Variants in BPIFC observed in about 807,000 individuals in gnomAD.
BPIFC encodes BPI fold-containing family C protein.
BPIFC carries 60 observed loss-of-function variants against 57.6 expected under a neutral mutation model. The ratio of observed to expected loss-of-function variants is 1.04; its 90% CI spans 0.85 to 1.29. BPIFC has a LOEUF of 1.29. Among genes scored for constraint, BPIFC ranks in the 50% most tolerant of loss-of-function variants. The probability of loss-of-function intolerance (pLI) is 0.00; values close to 1 mark genes in which losing one functional copy is unlikely to be tolerated. For synonymous variants in BPIFC, 243 were observed against 224.5 expected (o/e 1.08, Z -0.74); for missense variants, 581 against 600.5 (o/e 0.97, Z 0.34).
chr22:32,459,331 C>T (rs1458349546), intron 2 of BPIFC, among the ~76,000 whole-genome samples: 2 of 151,950 alleles, frequency 1.3e-5, no homozygotes, highest in Non-Finnish European at 2.9e-5. Context: ...GAGTTTGAGA[C>T]CAGCCTGTGG....
chr22:32,419,175 T>A (rs1432796713), intron 14 of BPIFC, among the ~76,000 whole-genome samples, 187 bp downstream of exon 14: 2 of 152,016 alleles, frequency 1.3e-5, no homozygotes, highest in Non-Finnish European at 2.9e-5. Context: ...AACTGTAGAG[T>A]TCCTCTCGTG....
intron 11 of BPIFC, 48 bp downstream of exon 11, chr22:32,433,671 T>A: frequency 6.5e-7 from 1 of 1,547,186 alleles, no homozygotes; most frequent in Non-Finnish European, 8.9e-7. Flanking sequence ...CAGAAGTAAT[T>A]GCAATGGAGC....
intron 11 of BPIFC, 84 bp from the exon 12 acceptor site, chr22:32,432,627 A>C: frequency 7.8e-7 from 1 of 1,289,198 alleles, no homozygotes; most frequent in South Asian, 1.3e-5. Context: ...GCCTGTGGTG[A>C]CTAAATCTTA....
At chr22:32,457,875 A>G (rs1463358988) in intron 2 of BPIFC, among the ~76,000 whole-genome samples, 2 of 152,112 alleles carry the variant, frequency 1.3e-5, no homozygotes, top group Non-Finnish European at 2.9e-5. Context: ...AGAACATCTG[A>G]TACACGATGT....
At chr22:32,424,742 TCTTCTTCTTCC>T (rs1240037651) in intron 13 of BPIFC, among the ~76,000 whole-genome samples, 154 of 63,748 alleles carry the variant, frequency 2.4e-3, no homozygotes, top group Non-Finnish European at 2.9e-3. Flanking sequence ...TTCTTCTTCC[TCTTCTTCTTCC>T]TCTTCTTCTT....
intron 5 of BPIFC, 51 bp from the exon 6 acceptor site, chr22:32,446,047 G>GATC (rs1379057329): frequency 2.5e-6 from 4 of 1,591,954 alleles, no homozygotes; most frequent in Non-Finnish European, 2.6e-6. Flanking sequence ...CACAGAGATG[G>GATC]ATCTTGTTTC....
rs960979201 is a variant in BPIFC at position 32,415,822 on chromosome 22, A to AAAC, written c.1401+90_1401+92dup. ...GGAAAAAGCAAAGCAGGACAAAAAC[A>AAAC]AACAACAACAACAAAAACAAGCAAA... On this transcript the variant is annotated intron_variant, in intron 16 of 16. Coordinates refer to ENST00000300399, the MANE Select transcript of BPIFC (RefSeq NM_174932.3). The AAAC allele has an allele frequency of 2.9e-5, 25 of 876,336 alleles. No individual in the cohort carries two copies. In the African/African-American group the frequency reaches 4.2e-4, roughly 15 times the overall value. 54.3% of individuals were successfully genotyped at this position (876,336 alleles called of 1,614,324 possible).
At chr22:32,423,576 G>GT (rs1491393994) in intron 13 of BPIFC, among the ~76,000 whole-genome samples, 6,995 of 133,600 alleles carry the variant, frequency 0.052, 374 homozygotes, top group African/African-American at 0.15. Flanking sequence ...TGTAGGGTGT[G>GT]GGTGTGTGTG....
intron 7 of BPIFC, among the ~76,000 whole-genome samples, chr22:32,445,186 C>A (rs1045780603): frequency 6.6e-6 from 1 of 152,128 alleles, no homozygotes; most frequent in African/African-American, 2.4e-5. Context: ...TGTGAAAGTG[C>A]CTTGGATAGT....
At chr22:32,432,333 T>C (rs1382092264) in intron 12 of BPIFC, 40 bp downstream of exon 12, 6 of 1,604,578 alleles carry the variant, frequency 3.7e-6, no homozygotes, top group African/African-American at 2.7e-5. Flanking sequence ...AGGAGCAGGA[T>C]TGGCATCTAC....
chr22:32,463,603 G>T (rs928910055), intron 1 of BPIFC, among the ~76,000 whole-genome samples: 3 of 152,178 alleles, frequency 2.0e-5, no homozygotes, highest in Non-Finnish European at 4.4e-5. Flanking sequence ...AGTAATGAAT[G>T]AGTAAAATGT....
intron 7 of BPIFC, among the ~76,000 whole-genome samples, 200 bp downstream of exon 7, chr22:32,445,435 G>A (rs1169235863): frequency 2.0e-5 from 3 of 152,084 alleles, no homozygotes; most frequent in Non-Finnish European, 2.9e-5. Flanking sequence ...TACTTGGGAG[G>A]CTGAGGCAGG....
At chr22:32,455,831 T>C in intron 3 of BPIFC, among the ~76,000 whole-genome samples, 1 of 152,212 alleles carries the variant, frequency 6.6e-6, no homozygotes, top group East Asian at 1.9e-4. Flanking sequence ...AGAAAGCACA[T>C]TCAAAGAGGC....
At position 32,414,380 on chromosome 22, in the gene BPIFC, T is replaced by C. The variant is rs1187921632; in HGVS notation, c.1447A>G (p.Lys483Glu). The C allele has an allele frequency of 4.3e-6, 7 of 1,613,972 alleles. No individual in the cohort carries two copies. Among genetic ancestry groups the C allele is most frequent in the African/African-American group, 2.7e-5 (2 of 74,924 alleles). The change falls in exon 17 of 17, where the codon AAG becomes GAG. Residue 483 changes from lysine (K) to glutamate (E), a missense_variant. Physicochemically the swap from Lys to Glu is moderately conservative, Grantham distance 56. Transcript: ENST00000300399. ...CATACGTGGAAACTTGGCTGCTGCT[T>C]TGAGGATGTTTCATACTTCAGGTCG... is the stretch of plus-strand genomic sequence containing the variant. ...STDLKYETSS[K>E]QQPSFHVWEG...
At chr22:32,449,255 C>G (rs1934819480) in intron 4 of BPIFC, among the ~76,000 whole-genome samples, 1 of 152,068 alleles carries the variant, frequency 6.6e-6, no homozygotes, top group Non-Finnish European at 1.5e-5. Context: ...AAAACTTGGG[C>G]AAGGCGCTTA....
rs1180866777 is a variant in BPIFC at position 32,448,282 on chromosome 22, AT to A, written c.246-943del. 1.1e-4 allele frequency among the ~76,000 whole-genome samples: 17 copies of A among 152,016 alleles called. No individual in the cohort carries two copies. The East Asian group carries it at 2.6e-3, about 23-fold the overall frequency. On this transcript the variant is annotated intron_variant, in intron 4 of 16. Coordinates refer to ENST00000300399, the MANE Select transcript of BPIFC (RefSeq NM_174932.3). ...ACGGGCTTTCACCATGTTAGCCAGG[AT>A]GGTCTTGATCTCCTGACCTGACCTC...
intron 9 of BPIFC, among the ~76,000 whole-genome samples, chr22:32,436,324 A>T (rs1246583724): frequency 6.9e-6 from 1 of 145,282 alleles, no homozygotes; most frequent in Non-Finnish European, 1.5e-5. Context: ...AAGAGGAAGA[A>T]GAAGAAGAAG....
chr22:32,441,493 C>T (rs542948736), intron 8 of BPIFC, among the ~76,000 whole-genome samples: 23 of 152,244 alleles, frequency 1.5e-4, no homozygotes, highest in Admixed American at 7.2e-4. Flanking sequence ...GTGCTCAGCG[C>T]GCCATTGGTG....
Position 32,435,722 on chromosome 22 carries a change from G to A in BPIFC, c.906C>T (p.Val302=). 6.2e-7 allele frequency: 1 copy of A among 1,613,948 alleles called. No homozygotes were observed. The highest frequency in any genetic ancestry group is 8.5e-7 in the Non-Finnish European group (1 of 1,179,958). Residue 302 remains valine (V), a synonymous_variant, in exon 10 of 17, where the codon GTC becomes GTT. Transcript: ENST00000300399. ...FAHFTAGVFN[V]TLSTEEISNH... is the part of the protein sequence containing the mutation. ...TCCTCACCTCTTCGGTGGAGAGAGT[G>A]ACATTGAAAACCCCAGCTGTGAAAT... is the stretch of plus-strand genomic sequence containing the variant.
Sources: gnomAD v4.1 joint callset for allele counts (sites outside exome capture counted in the v4.1 genomes callset) on GRCh38, gnomAD v4.1.1 for gene constraint, MANE v1.5 for transcripts, NCBI Gene and HGNC (gene_info 2026-07-23, HGNC 2026-07-21) for gene names.